The following NFIC variants were observed in gnomAD, a reference collection of about 807,000 sequenced individuals.
NFIC encodes nuclear factor 1 C-type.
A neutral mutation model predicts 54.4 loss-of-function variants in NFIC; 12 were observed. That is an observed-to-expected ratio of 0.22 (90% CI 0.14 to 0.36). The LOEUF is 0.36. Ranked by LOEUF, NFIC falls within the 10% of genes least tolerant of loss-of-function variation. The pLI, the probability that NFIC is intolerant of heterozygous loss-of-function variation, is 1.00. For synonymous variants in NFIC, 322 were observed against 319.2 expected (o/e 1.01, Z -0.09); for missense variants, 575 against 718.2 (o/e 0.80, Z 2.28).
chr19:3,424,546 T>C (rs1204571974), intron 2 of NFIC, among the ~76,000 whole-genome samples: 1 of 151,772 alleles, frequency 6.6e-6, no homozygotes, highest in Non-Finnish European at 1.5e-5. Flanking sequence ...CTGGCTAGTT[T>C]TTGTACTTTT....
chr19:3,433,644 C>T (rs1235586955), intron 4 of NFIC, 52 bp downstream of exon 4: 3 of 1,587,226 alleles, frequency 1.9e-6, no homozygotes, highest in East Asian at 2.3e-5. Context: ...GAGGGGGCCG[C>T]AGGGAGGAAG....
At chr19:3,445,064 C>A (rs941564103) in intron 6 of NFIC, among the ~76,000 whole-genome samples, 1 of 150,394 alleles carries the variant, frequency 6.6e-6, no homozygotes, top group African/African-American at 2.5e-5. Flanking sequence ...TACAGGCATA[C>A]ATATGCAGGC....
At chr19:3,454,555 G>C (rs1455273236) in intron 9 of NFIC, among the ~76,000 whole-genome samples, 1 of 151,820 alleles carries the variant, frequency 6.6e-6, no homozygotes, top group Non-Finnish European at 1.5e-5. Context: ...ATGGCCCCTC[G>C]GTCCTGGCAT....
At position 3,463,862 on chromosome 19, in the gene NFIC, C is replaced by A. The variant is rs1334846729; in HGVS notation, c.*1093C>A. The A allele has an allele frequency of 2.3e-5, 23 of 984,346 alleles. No individual in the cohort carries two copies. In the East Asian group the frequency reaches 3.4e-4, roughly 15 times the overall value. The allele number at this position is 984,346 out of a possible 1,614,324, so 61.0% of individuals were successfully genotyped here. ...GTGCCTGATTACCACCACCCGCCCCCCCCTTTGTCCAGCTGGGACACGGAA... is the reference window on the plus strand; with the variant it reads ...GTGCCTGATTACCACCACCCGCCCCACCCTTTGTCCAGCTGGGACACGGAA... On this transcript the variant is annotated 3_prime_UTR_variant, in exon 11 of 11. Coordinates refer to ENST00000443272, the MANE Select transcript of NFIC (RefSeq NM_001245002.2).
intron 6 of NFIC, among the ~76,000 whole-genome samples, chr19:3,444,500 T>A (rs777449797): frequency 3.9e-4 from 59 of 152,288 alleles, no homozygotes; most frequent in Non-Finnish European, 8.1e-4. Flanking sequence ...AGACAGAGGA[T>A]GCTTGGAGGC....
chr19:3,400,588 C>T (rs1370745423), intron 2 of NFIC, among the ~76,000 whole-genome samples: 2 of 152,188 alleles, frequency 1.3e-5, no homozygotes, highest in African/African-American at 4.8e-5. Context: ...CGCCTGTCAT[C>T]CCAGCACTGT....
chr19:3,409,837 C>G (rs1461151634), intron 2 of NFIC, among the ~76,000 whole-genome samples: 4 of 152,346 alleles, frequency 2.6e-5, no homozygotes, highest in African/African-American at 9.6e-5. Flanking sequence ...CAGTGACATT[C>G]TTGGCAGTCC....
intron 6 of NFIC, among the ~76,000 whole-genome samples, chr19:3,447,811 C>G (rs2145670249): frequency 6.6e-6 from 1 of 152,358 alleles, no homozygotes; most frequent in South Asian, 2.1e-4. Context: ...CACCCAGGGG[C>G]TTTCCAGGGG....
chr19:3,434,219 G>A, intron 4 of NFIC, 58 bp from the exon 5 acceptor site: 1 of 1,559,930 alleles, frequency 6.4e-7, no homozygotes, highest in South Asian at 1.2e-5. Flanking sequence ...CCTCTCTAAA[G>A]CAAACCGCAG....
At chr19:3,410,008 G>A (rs1184158834) in intron 2 of NFIC, among the ~76,000 whole-genome samples, 1 of 151,854 alleles carries the variant, frequency 6.6e-6, no homozygotes, top group East Asian at 2.0e-4. Flanking sequence ...AGGAGTTTGA[G>A]TCCAGCCTGG....
intron 2 of NFIC, among the ~76,000 whole-genome samples, chr19:3,397,862 C>CG (rs1568420765): frequency 6.6e-6 from 1 of 152,194 alleles, no homozygotes; most frequent in African/African-American, 2.4e-5. Flanking sequence ...ATGTGTCTGA[C>CG]GGGGGTGGGG....
chr19:3,421,484 T>G (rs140047272), intron 2 of NFIC, among the ~76,000 whole-genome samples: 2,136 of 152,310 alleles, frequency 0.014, 47 homozygotes, highest in African/African-American at 0.048. Flanking sequence ...CTGCAGGGCT[T>G]GGGGCCGAGC....
At chr19:3,422,098 G>A (rs1186621531) in intron 2 of NFIC, among the ~76,000 whole-genome samples, 3 of 152,096 alleles carry the variant, frequency 2.0e-5, no homozygotes, top group Non-Finnish European at 4.4e-5. Context: ...CACCATGCCC[G>A]GCTAATTTTG....
At chr19:3,460,505 TTTTTTTTTG>T (rs1568203570) in intron 10 of NFIC, among the ~76,000 whole-genome samples, 1 of 148,950 alleles carries the variant, frequency 6.7e-6, no homozygotes, top group African/African-American at 2.5e-5. Context: ...TTTTTTTTTG[TTTTTTTTTG>T]GTTTTTTTGG....
chr19:3,465,250 C>T lies in NFIC; in HGVS notation c.*2481C>T, dbSNP rs915554071. 5 of 149,536 alleles carry T rather than the reference C, an allele frequency of 3.3e-5. No homozygotes were observed. The highest frequency in any genetic ancestry group is 5.9e-5 in the Non-Finnish European group (4 of 67,546). The allele number at this position is 149,536 out of a possible 1,614,324, so 9.3% of individuals were successfully genotyped here. A position where few individuals can be genotyped will look rare whatever the true frequency, so the allele number is the denominator to read the frequency against. Reference sequence around the variant, plus strand: ...ATTTTCTACCACAAGATGTGCCTTGCCTTCCGAGAATAAGTATTACCTTTA... The same window carrying T: ...ATTTTCTACCACAAGATGTGCCTTGTCTTCCGAGAATAAGTATTACCTTTA... On this transcript the variant is annotated 3_prime_UTR_variant, in exon 11 of 11. Transcript: ENST00000443272.
At chr19:3,407,085 C>A (rs1028992553) in intron 2 of NFIC, among the ~76,000 whole-genome samples, 5 of 152,114 alleles carry the variant, frequency 3.3e-5, no homozygotes, top group African/African-American at 9.6e-5. Flanking sequence ...ATGGGGAGAA[C>A]TTGGACTTTT....
Position 3,453,366 on chromosome 19 carries a change from C to T in NFIC, c.1270-397C>T, listed in dbSNP as rs527841215. 2.0e-5 allele frequency among the ~76,000 whole-genome samples: 3 copies of T among 152,266 alleles called. No homozygotes were observed. Among genetic ancestry groups the T allele is most frequent in the South Asian group, 2.1e-4 (1 of 4,832 alleles). The stretch of plus-strand genomic sequence containing the variant: ...GAAGCTTTGGATGTTCAGAGCTTTT[C>T]GGACTTTGGAACCACGGGCCAGGCC... On this transcript the variant is annotated intron_variant, in intron 8 of 10. Transcript: ENST00000443272. The surrounding 1 kb of genome is among the most constrained non-coding windows in gnomAD (Gnocchi z 6.7).
At chr19:3,438,178 A>T (rs556711807) in intron 6 of NFIC, among the ~76,000 whole-genome samples, 9 of 152,278 alleles carry the variant, frequency 5.9e-5, no homozygotes, top group Non-Finnish European at 1.3e-4. Context: ...CAACAGAGAA[A>T]ACTCAAAAAG....
chr19:3,445,988 G>T (rs147939728), intron 6 of NFIC, among the ~76,000 whole-genome samples: 1 of 152,314 alleles, frequency 6.6e-6, no homozygotes, highest in African/African-American at 2.4e-5. Flanking sequence ...TGGAGGCCAG[G>T]GGTGCTGCTC....
Sources: gnomAD v4.1 joint callset for allele counts (sites outside exome capture counted in the v4.1 genomes callset) on GRCh38, gnomAD v4.1.1 for gene constraint, Gnocchi (gnomAD v3.1) non-coding constraint, MANE v1.5 for transcripts, NCBI Gene and HGNC (gene_info 2026-07-23, HGNC 2026-07-21) for gene names.